Variants in EFR3B observed in about 807,000 individuals in gnomAD.
EFR3B encodes protein EFR3 homolog B.
A neutral mutation model predicts 104.7 loss-of-function variants in EFR3B; 64 were observed. The ratio of observed to expected loss-of-function variants is 0.61; its 90% CI spans 0.50 to 0.75. The LOEUF (loss-of-function observed/expected upper bound fraction) is 0.75, where lower values mean the gene tolerates loss of function less well. EFR3B is among the 30% of genes least tolerant of loss of function. The pLI is 0.00. For missense variants in EFR3B, 750 were observed against 1,078.5 expected, an observed-to-expected ratio of 0.70 and a Z score of 4.27; for synonymous variants, 385 against 417.9, an observed-to-expected ratio of 0.92 and a Z score of 0.96.
chr2:25,047,560 G>A (rs551818232), intron 1 of EFR3B, among the ~76,000 whole-genome samples: 146 of 151,274 alleles, frequency 9.7e-4, no homozygotes, highest in African/African-American at 3.2e-3. Context: ...GTGCAGTGGC[G>A]TGGTCTTGAC....
Position 25,149,678 on chromosome 2 carries a change from G to A in EFR3B, c.2143-16G>A, listed in dbSNP as rs117099119. 5.6e-4 allele frequency: 862 copies of A among 1,551,322 alleles called. 11 individuals carry two copies. In the East Asian group the frequency reaches 0.02, roughly 35 times the overall value. On this transcript the variant is annotated splice_polypyrimidine_tract_variant and intron_variant, in intron 19 of 22. Transcript: ENST00000403714. ...GCCCCCTGCCTTTCTGAGCATCTCT[G>A]TCCCTTCTCCTTCAGCGAGTGCCTG...
intron 13 of EFR3B, 131 bp downstream of exon 13, chr2:25,135,770 C>A (rs1266322395): frequency 2.7e-6 from 3 of 1,098,042 alleles, no homozygotes; most frequent in South Asian, 1.6e-5. Flanking sequence ...TCTGAGTATC[C>A]CACAATTCAG....
chr2:25,153,922 C>T (rs1671088241), intron 22 of EFR3B, among the ~76,000 whole-genome samples, 161 bp downstream of exon 22: 1 of 152,172 alleles, frequency 6.6e-6, no homozygotes, highest in Non-Finnish European at 1.5e-5. Flanking sequence ...CAACTCTAAC[C>T]CTCCCTAGAC....
At chr2:25,103,287 C>T (rs1017026675) in intron 3 of EFR3B, among the ~76,000 whole-genome samples, 10 of 152,228 alleles carry the variant, frequency 6.6e-5, no homozygotes, top group Admixed American at 2.0e-4. Flanking sequence ...GATAATTCCC[C>T]GACCTCATAG....
Position 25,156,517 on chromosome 2 carries a change from G to C in EFR3B, c.*2177G>C, listed in dbSNP as rs1001584584. 57 of 151,764 alleles carry C rather than the reference G, an allele frequency of 3.8e-4. No individual in the cohort carries two copies. The highest frequency in any genetic ancestry group is 1.3e-3 in the African/African-American group (53 of 41,310). 9.4% of individuals were successfully genotyped at this position (151,764 alleles called of 1,614,324 possible). ...TCACCGTGTTGGCCAGGCTGGTCTG[G>C]AACTCCTGATCTCAAGTGATCCGCC... is the stretch of plus-strand genomic sequence containing the variant. On this transcript the variant is annotated 3_prime_UTR_variant, in exon 23 of 23. Coordinates refer to ENST00000403714, the MANE Select transcript of EFR3B (RefSeq NM_014971.2).
At chr2:25,102,635 G>A (rs561947627) in intron 3 of EFR3B, among the ~76,000 whole-genome samples, 5 of 152,246 alleles carry the variant, frequency 3.3e-5, no homozygotes, top group East Asian at 1.9e-4. Context: ...CCCTTGACAC[G>A]TGGGGATTAT....
At position 25,137,414 on chromosome 2, in the gene EFR3B, C is replaced by A; in HGVS notation, c.1634C>A (p.Ala545Glu). The A allele has an allele frequency of 6.4e-7, 1 of 1,551,902 alleles. No homozygotes were observed. Among genetic ancestry groups the A allele is most frequent in the Non-Finnish European group, 8.7e-7 (1 of 1,147,062 alleles). The stretch of plus-strand genomic sequence containing the variant: ...ACAAACGTGCAGAAACACTACGAGG[C>A]GCTCTATGGCTTGCTGGCCCTCATC... ...EETNVQKHYE[A>E]LYGLLALISI... The change falls in exon 15 of 23, where the codon GCG (alanine) becomes GAG (glutamate). Residue 545 changes from alanine to glutamate, a missense_variant. Coordinates refer to ENST00000403714, the MANE Select transcript of EFR3B (RefSeq NM_014971.2). This position sits in a 1 kb window ranked among gnomAD's most constrained non-coding sequence, Gnocchi z 4.7.
chr2:25,051,530 A>G (rs1667868158), intron 1 of EFR3B, among the ~76,000 whole-genome samples: 1 of 151,830 alleles, frequency 6.6e-6, no homozygotes, highest in East Asian at 1.9e-4. Context: ...CCATATTTTA[A>G]TTCACCGCAT....
At chr2:25,049,671 T>C (rs13006278) in intron 1 of EFR3B, among the ~76,000 whole-genome samples, 14,653 of 152,066 alleles carry the variant, frequency 0.096, 894 homozygotes, top group East Asian at 0.24. Context: ...TCTCCTCTAC[T>C]GAGGGGCAGA....
chr2:25,153,740 AG>A lies in EFR3B; in HGVS notation c.2328del (p.Ile777SerfsTer33). Reference sequence around the variant, plus strand: ...TCGCTGCTCCAGAGCAAACTCAATCAGATCTTTGAAATCACCATCCGGTAAG... The same window carrying A: ...TCGCTGCTCCAGAGCAAACTCAATCAATCTTTGAAATCACCATCCGGTAAG... ...RASLLQSKLN[Q>X]IFEITIRPPP... On this transcript the variant is annotated frameshift_variant, in exon 22 of 23. Transcript: ENST00000403714. LOFTEE classifies it high-confidence loss of function. The A allele has an allele frequency of 1.3e-6, 2 of 1,551,714 alleles. No individual in the cohort carries two copies. The highest frequency in any genetic ancestry group is 8.7e-7 in the Non-Finnish European group (1 of 1,147,000).
intron 5 of EFR3B, among the ~76,000 whole-genome samples, chr2:25,126,345 T>C (rs1010875548): frequency 1.3e-5 from 2 of 151,814 alleles, no homozygotes; most frequent in Non-Finnish European, 2.9e-5. Context: ...CGCACCACCA[T>C]ACCTGGCTAA....
intron 3 of EFR3B, among the ~76,000 whole-genome samples, chr2:25,097,055 T>C (rs926558961): frequency 6.6e-6 from 1 of 152,216 alleles, no homozygotes; most frequent in South Asian, 2.1e-4. Flanking sequence ...AAAACTAATA[T>C]GCTAGCTCCA....
At chr2:25,134,574 C>T (rs1001899545) in intron 12 of EFR3B, among the ~76,000 whole-genome samples, 1 of 152,214 alleles carries the variant, frequency 6.6e-6, no homozygotes, top group Admixed American at 6.5e-5. Context: ...ATCTCTCAAT[C>T]TCTGTCTCAG....
At chr2:25,111,582 G>A (rs975550726) in intron 4 of EFR3B, among the ~76,000 whole-genome samples, 2 of 152,186 alleles carry the variant, frequency 1.3e-5, no homozygotes, top group African/African-American at 4.8e-5. Context: ...CACCTTATAT[G>A]ACAAAAGGGA....
Position 25,136,306 on chromosome 2 carries a change from A to T in EFR3B, c.1485-217A>T, listed in dbSNP as rs924976386. ...ACTACACTCCAGCCTAGGTGACAGAATAAGACCCTGTCTCAAAAAGGAAAA... is the reference window on the plus strand; with the variant it reads ...ACTACACTCCAGCCTAGGTGACAGATTAAGACCCTGTCTCAAAAAGGAAAA... On this transcript the variant is annotated intron_variant, in intron 13 of 22. Coordinates refer to ENST00000403714, the MANE Select transcript of EFR3B (RefSeq NM_014971.2). The surrounding 1 kb of genome is among the most constrained non-coding windows in gnomAD (Gnocchi z 4.0). Among the ~76,000 whole-genome samples, 4 of 152,176 alleles carry T rather than the reference A, an allele frequency of 2.6e-5. No individual in the cohort carries two copies. The highest frequency in any genetic ancestry group is 2.6e-4 in the Admixed American group (4 of 15,274).
chr2:25,133,047 T>C, intron 11 of EFR3B, 33 bp downstream of exon 11: 1 of 1,526,166 alleles, frequency 6.6e-7, no homozygotes. Context: ...CCTGGAGTCC[T>C]CCTCTCCCCC....
Position 25,154,467 on chromosome 2 carries a change from C to G in EFR3B, c.*127C>G. ...CATCACCTTAGATGGCAGCGCCTCC[C>G]AGGCTAAGCCAAGGTGGAGACTCTC... is the stretch of plus-strand genomic sequence containing the variant. On this transcript the variant is annotated 3_prime_UTR_variant, in exon 23 of 23. Transcript: ENST00000403714. This position sits in a 1 kb window ranked among gnomAD's most constrained non-coding sequence, Gnocchi z 4.1. 1 of 831,808 alleles carries G rather than the reference C, an allele frequency of 1.2e-6. No homozygotes were observed. The highest frequency in any genetic ancestry group is 1.9e-6 in the Non-Finnish European group (1 of 531,876). The allele number at this position is 831,808 out of a possible 1,614,324, so 51.5% of individuals were successfully genotyped here. A position where few individuals can be genotyped will look rare whatever the true frequency, so the allele number is the denominator to read the frequency against.
At chr2:25,089,894 G>A (rs1573194607) in intron 1 of EFR3B, among the ~76,000 whole-genome samples, 1 of 152,006 alleles carries the variant, frequency 6.6e-6, no homozygotes, top group Non-Finnish European at 1.5e-5. Context: ...CTGGGTGCCC[G>A]CCATCCTCTT....
intron 1 of EFR3B, chr2:25,080,037 G>T (rs542525175): frequency 2.3e-6 from 2 of 879,106 alleles, no homozygotes; most frequent in Non-Finnish European, 3.9e-6. Context: ...GTCTGCTCTC[G>T]GTGCCTTAGC....
Sources: allele counts gnomAD v4.1 joint callset (sites outside exome capture counted in the v4.1 genomes callset), GRCh38; gene constraint gnomAD v4.1.1; non-coding constraint Gnocchi (gnomAD v3.1); transcripts MANE v1.5; gene names NCBI Gene and HGNC (gene_info 2026-07-23, HGNC 2026-07-21).